KCNH5: variants seen among roughly 807,000 people sequenced by gnomAD.
The protein encoded by KCNH5 is potassium voltage-gated channel subfamily H member 5, also known as voltage-gated delayed rectifier potassium channel KCNH5.
A neutral mutation model predicts 96.1 loss-of-function variants in KCNH5; 46 were observed. The ratio of observed to expected loss-of-function variants is 0.48; its 90% CI spans 0.38 to 0.61. KCNH5 has a LOEUF of 0.61. KCNH5 is among the 20% of genes least tolerant of loss of function. KCNH5 has a pLI of 0.00. For synonymous variants in KCNH5, 439 were observed against 449.8 expected (o/e 0.98, Z 0.30); for missense variants, 907 against 1,225.8 (o/e 0.74, Z 3.88).
intron 10 of KCNH5, among the ~76,000 whole-genome samples, chr14:62,777,249 A>G (rs1886116135): frequency 6.6e-6 from 1 of 152,234 alleles, no homozygotes; most frequent in Non-Finnish European, 1.5e-5. Context: ...CTAAAACAAC[A>G]TGGTAGTCTA....
chr14:62,980,804 T>A, intron 6 of KCNH5, 68 bp downstream of exon 6: 1 of 1,490,446 alleles, frequency 6.7e-7, no homozygotes, highest in Non-Finnish European at 9.0e-7. Flanking sequence ...ATCTGTGGAA[T>A]CCATTTATCC....
chr14:62,944,314 A>C (rs1436581479), intron 7 of KCNH5, among the ~76,000 whole-genome samples: 2 of 152,146 alleles, frequency 1.3e-5, no homozygotes, highest in African/African-American at 2.4e-5. Context: ...TTCTCAACAG[A>C]ATATAGGCAG....
rs765303081 is a variant in KCNH5, at chr14:62,981,063, C to T, written c.751G>A (p.Asp251Asn). 6.2e-7 allele frequency: 1 copy of T among 1,614,170 alleles called. No homozygotes were observed. The highest frequency in any genetic ancestry group is 8.5e-7 in the Non-Finnish European group (1 of 1,180,022). ...AGAAAAATAACGTCCACCACACTAT[C>T]CAGTACCAGCCAGGCTATGTTGTTC... ...KQNNIAWLVL[D>N]SVVDVIFLVD... Residue 251 changes from aspartate to asparagine, a missense_variant, in exon 6 of 11, where the codon GAT becomes AAT. Around this residue, in one of 6 missense-constraint regions of KCNH5, gnomAD observed 370 missense variants for 561.3 expected, o/e 0.66. Coordinates refer to ENST00000322893, the MANE Select transcript of KCNH5 (RefSeq NM_139318.5).
intron 7 of KCNH5, among the ~76,000 whole-genome samples, chr14:62,938,892 T>C (rs1381541655): frequency 3.3e-5 from 5 of 152,260 alleles, no homozygotes; most frequent in Non-Finnish European, 7.3e-5. Context: ...AAATTCTATG[T>C]CTATGTTATG....
intron 6 of KCNH5, among the ~76,000 whole-genome samples, chr14:62,952,567 A>G (rs531186285): frequency 1.3e-5 from 2 of 152,354 alleles, no homozygotes; most frequent in South Asian, 4.1e-4. Flanking sequence ...GATGTTATAG[A>G]TAATATTTTC....
At chr14:62,842,118 A>C (rs1238857236) in intron 8 of KCNH5, among the ~76,000 whole-genome samples, 1 of 152,242 alleles carries the variant, frequency 6.6e-6, no homozygotes, top group Non-Finnish European at 1.5e-5. Flanking sequence ...TGACACATGA[A>C]AAGTTTACTA....
At position 62,700,032 on chromosome 14, in the gene KCNH5, G is replaced by T. The variant is rs1203763788; in HGVS notation, c.*7476C>A. ...ATACCCCCAATATCTCACCAATATG[G>T]TTGCAGTGACAAAAACATTTAAGAA... On this transcript the variant is annotated 3_prime_UTR_variant, in exon 11 of 11. Transcript: ENST00000322893. 1 of 152,080 alleles carries T rather than the reference G, an allele frequency of 6.6e-6. No homozygotes were observed. The highest frequency in any genetic ancestry group is 1.5e-5 in the Non-Finnish European group (1 of 67,984). The allele number at this position is 152,080 out of a possible 1,614,324, so 9.4% of individuals were successfully genotyped here.
intron 10 of KCNH5, among the ~76,000 whole-genome samples, chr14:62,754,594 C>T (rs1409239670): frequency 6.6e-6 from 1 of 151,796 alleles, no homozygotes; most frequent in Non-Finnish European, 1.5e-5. Context: ...AAAATAGAGC[C>T]AGGAATGCTG....
intron 10 of KCNH5, among the ~76,000 whole-genome samples, chr14:62,768,283 T>C (rs1418767728): frequency 1.3e-5 from 2 of 152,206 alleles, no homozygotes; most frequent in Non-Finnish European, 2.9e-5. Context: ...AATTTGCATG[T>C]ATCCTAAGTT....
At chr14:62,998,538 G>C (rs1260534009) in intron 4 of KCNH5, among the ~76,000 whole-genome samples, 2 of 152,028 alleles carry the variant, frequency 1.3e-5, no homozygotes, top group Non-Finnish European at 2.9e-5. Flanking sequence ...TTCTAAGGTA[G>C]AATCTTAGAT....
intron 6 of KCNH5, among the ~76,000 whole-genome samples, chr14:62,952,869 G>A (rs1274416400): frequency 6.6e-6 from 1 of 151,960 alleles, no homozygotes; most frequent in African/African-American, 2.4e-5. Flanking sequence ...GGCCTGCTCT[G>A]GATTCTGCTT....
chr14:63,039,921 G>A (rs3910327), intron 1 of KCNH5, among the ~76,000 whole-genome samples: 36,071 of 151,762 alleles, frequency 0.24, 4,975 homozygotes, highest in East Asian at 0.43. Context: ...TGGGAGAACA[G>A]AAAAAGAGAA....
At chr14:62,890,654 G>A (rs1314399334) in intron 7 of KCNH5, among the ~76,000 whole-genome samples, 3 of 144,922 alleles carry the variant, frequency 2.1e-5, no homozygotes, top group African/African-American at 7.8e-5. Flanking sequence ...AGCCGAGATC[G>A]CGCCACTGCA....
chr14:62,894,834 T>C (rs996317140), intron 7 of KCNH5, among the ~76,000 whole-genome samples: 1 of 152,212 alleles, frequency 6.6e-6, no homozygotes, highest in African/African-American at 2.4e-5. Flanking sequence ...CAAAGCTCAA[T>C]AAACTTTTCA....
At position 62,701,769 on chromosome 14, in the gene KCNH5, A is replaced by C. The variant is rs991306632; in HGVS notation, c.*5739T>G. Reference sequence around the variant, plus strand: ...GTAGAACAAATAAATCACATTCAGAAAATTAACATTTTTTCATTAGAGAAA... The same window carrying C: ...GTAGAACAAATAAATCACATTCAGACAATTAACATTTTTTCATTAGAGAAA... On this transcript the variant is annotated 3_prime_UTR_variant, in exon 11 of 11. Transcript: ENST00000322893. 6.6e-6 allele frequency: 1 copy of C among 152,206 alleles called. No individual in the cohort carries two copies. Among genetic ancestry groups the C allele is most frequent in the East Asian group, 1.9e-4 (1 of 5,184 alleles). 9.4% of individuals were successfully genotyped at this position (152,206 alleles called of 1,614,324 possible).
intron 10 of KCNH5, among the ~76,000 whole-genome samples, chr14:62,711,613 C>G (rs1884569761): frequency 6.6e-6 from 1 of 152,128 alleles, no homozygotes; most frequent in Admixed American, 6.5e-5. Context: ...ACAGCAGGAC[C>G]TACACATCCA....
chr14:62,790,697 T>G (rs1886416009), intron 9 of KCNH5, among the ~76,000 whole-genome samples: 1 of 151,704 alleles, frequency 6.6e-6, no homozygotes, highest in African/African-American at 2.4e-5. Flanking sequence ...ATATTTTACC[T>G]TTTTGGTTAA....
At chr14:62,907,849 C>T (rs544289348) in intron 7 of KCNH5, among the ~76,000 whole-genome samples, 1 of 152,252 alleles carries the variant, frequency 6.6e-6, no homozygotes, top group African/African-American at 2.4e-5. Context: ...TGTGTAACAG[C>T]ATAATAAAGA....
At chr14:62,836,520 T>C (rs778429868) in intron 8 of KCNH5, among the ~76,000 whole-genome samples, 5 of 152,096 alleles carry the variant, frequency 3.3e-5, no homozygotes, top group African/African-American at 9.7e-5. Flanking sequence ...TTATAACATA[T>C]TCGTAAGGAT....
Sources: allele counts gnomAD v4.1 joint callset (sites outside exome capture counted in the v4.1 genomes callset), GRCh38; gene constraint gnomAD v4.1.1; regional missense constraint gnomAD v4.1.1; transcripts MANE v1.5; gene names NCBI Gene and HGNC (gene_info 2026-07-23, HGNC 2026-07-21).